Variants in EZH2 observed in about 807,000 individuals in gnomAD.
EZH2 encodes histone-lysine N-methyltransferase EZH2.
EZH2 carries 18 observed loss-of-function variants against 98.4 expected under a neutral mutation model. The observed-to-expected ratio is 0.18, with a 90% CI of 0.13 to 0.27. EZH2 has a LOEUF of 0.27. EZH2 is among the 10% of genes least tolerant of loss of function. The pLI is 1.00. For synonymous variants in EZH2, 338 were observed against 312.3 expected, an observed-to-expected ratio of 1.08 and a Z score of -0.87; for missense variants, 470 against 935.1, an observed-to-expected ratio of 0.50 and a Z score of 6.49.
chr7:148,834,038 CAACTA>C (rs536428844), intron 3 of EZH2, among the ~76,000 whole-genome samples: 66 of 152,156 alleles, frequency 4.3e-4, no homozygotes, highest in African/African-American at 1.5e-3. Flanking sequence ...AAAATGCTGC[CAACTA>C]AACAAAGGTA....
intron 3 of EZH2, among the ~76,000 whole-genome samples, chr7:148,834,826 A>G (rs1036428687): frequency 3.3e-4 from 50 of 152,332 alleles, no homozygotes; most frequent in African/African-American, 1.1e-3. Flanking sequence ...TTTATTGAGC[A>G]CGTACTATGT....
At chr7:148,819,069 A>C in intron 9 of EZH2, 1 of 456,628 alleles carries the variant, frequency 2.2e-6, no homozygotes, top group Non-Finnish European at 4.4e-6. Flanking sequence ...GCTTGGTTCA[A>C]AGAGGGGAAA....
intron 1 of EZH2, among the ~76,000 whole-genome samples, chr7:148,879,473 C>T (rs976230345): frequency 6.6e-6 from 1 of 151,594 alleles, no homozygotes; most frequent in East Asian, 1.9e-4. Flanking sequence ...GGTGGATCAC[C>T]TGAGGTCGGG....
Position 148,826,558 on chromosome 7 carries a change from T to G in EZH2, c.803A>C (p.Asn268Thr). ...TTGCTCTCTCTGAACAGATTTAGCA[T>G]TTGGTCCATCTATGTTGGGGGTACA... Reference protein sequence around the residue: ...PECTPNIDGPNAKSVQREQSL... With the variant: ...PECTPNIDGPTAKSVQREQSL... The change falls in exon 8 of 20, where the codon AAT becomes ACT. Residue 268 changes from asparagine (N) to threonine (T), a missense_variant. Transcript: ENST00000320356. 1.9e-6 allele frequency: 3 copies of G among 1,593,810 alleles called. No homozygotes were observed. The highest frequency in any genetic ancestry group is 2.6e-6 in the Non-Finnish European group (3 of 1,167,650).
intron 4 of EZH2, among the ~76,000 whole-genome samples, chr7:148,831,479 G>A (rs762907586): frequency 1.3e-4 from 20 of 152,186 alleles, no homozygotes; most frequent in Non-Finnish European, 2.5e-4. Context: ...AAGATTGTGT[G>A]CCTAATCTGC....
rs556001220 is a variant in EZH2, at chr7:148,863,914, C to T, written c.-7-16609G>A. On this transcript the variant is annotated intron_variant, in intron 1 of 19. Transcript: ENST00000320356. ...ACAACAGGTTTTAGTGCCTTCACTA[C>T]AGTGGATTACATGTACATGAAAGTA... Among the ~76,000 whole-genome samples the T allele has an allele frequency of 4.6e-5, 7 of 152,322 alleles. No individual in the cohort carries two copies. The South Asian group carries it at 1.4e-3, about 32-fold the overall frequency.
chr7:148,882,571 C>T (rs563746279), intron 1 of EZH2, among the ~76,000 whole-genome samples: 1 of 152,184 alleles, frequency 6.6e-6, no homozygotes, highest in Non-Finnish European at 1.5e-5. Flanking sequence ...TAGGATTACA[C>T]ACTTGTACAG....
At chr7:148,843,255 G>C (rs1174493603) in intron 3 of EZH2, among the ~76,000 whole-genome samples, 4 of 151,252 alleles carry the variant, frequency 2.6e-5, no homozygotes, top group African/African-American at 4.9e-5. Context: ...GCGTGTGACT[G>C]TAGTCCTAGC....
intron 3 of EZH2, among the ~76,000 whole-genome samples, chr7:148,843,603 T>G (rs1403134347): frequency 8.2e-6 from 1 of 121,662 alleles, no homozygotes; most frequent in Non-Finnish European, 1.7e-5. Flanking sequence ...TTTTTTTTTT[T>G]TTTTTTTTTT....
At chr7:148,867,295 C>T (rs1818691947) in intron 1 of EZH2, among the ~76,000 whole-genome samples, 1 of 151,956 alleles carries the variant, frequency 6.6e-6, no homozygotes, top group Non-Finnish European at 1.5e-5. Context: ...CATTGTAGTC[C>T]AGCCTGGGCA....
At chr7:148,808,052 G>A (rs1232958848) in intron 19 of EZH2, among the ~76,000 whole-genome samples, 3 of 152,166 alleles carry the variant, frequency 2.0e-5, no homozygotes, top group East Asian at 1.9e-4. Flanking sequence ...CCTGACGCTG[G>A]GAAGGCAAAA....
At chr7:148,807,893 G>T (rs375285161) in intron 19 of EZH2, among the ~76,000 whole-genome samples, 187 bp from the exon 20 acceptor site, 164 of 151,406 alleles carry the variant, frequency 1.1e-3, no homozygotes, top group Middle Eastern at 0.011. Flanking sequence ...GCAATGCATA[G>T]GTCTGTGTTG....
At chr7:148,866,615 T>C (rs1011983848) in intron 1 of EZH2, among the ~76,000 whole-genome samples, 2 of 147,024 alleles carry the variant, frequency 1.4e-5, no homozygotes, top group Admixed American at 6.9e-5. Context: ...ATATATAATA[T>C]ATATGCATAT....
Position 148,844,237 on chromosome 7 carries a change from C to T in EZH2, c.246+2233G>A, listed in dbSNP as rs117851348. Reference sequence around the variant, plus strand: ...TAATATGTAGATGGAAATGCTTAAACGAAAGAAAAAATAAACAGGGATATA... The same window carrying T: ...TAATATGTAGATGGAAATGCTTAAATGAAAGAAAAAATAAACAGGGATATA... On this transcript the variant is annotated intron_variant, in intron 3 of 19. Coordinates refer to ENST00000320356, the MANE Select transcript of EZH2 (RefSeq NM_004456.5). 1.3e-3 allele frequency among the ~76,000 whole-genome samples: 199 copies of T among 152,124 alleles called. 1 individual carries two copies. The highest frequency in any genetic ancestry group is 3.3e-3 in the Admixed American group (51 of 15,290).
rs549621600 is a variant in EZH2 at position 148,828,621 on chromosome 7, T to G, written c.625+119A>C. The G allele has an allele frequency of 1.0e-4, 130 of 1,260,504 alleles. No individual in the cohort carries two copies. In the African/African-American group the frequency reaches 1.7e-3, roughly 17 times the overall value. The allele number at this position is 1,260,504 out of a possible 1,614,324, so 78.1% of individuals were successfully genotyped here. On this transcript the variant is annotated intron_variant, in intron 6 of 19. Coordinates refer to ENST00000320356, the MANE Select transcript of EZH2 (RefSeq NM_004456.5). ...TTAATTTTGATTATACTGCTATCAA[T>G]GTGATATTTAACAAAGAAAGAAAAA...
At chr7:148,880,775 C>T (rs752014434) in intron 1 of EZH2, among the ~76,000 whole-genome samples, 2 of 152,162 alleles carry the variant, frequency 1.3e-5, no homozygotes, top group African/African-American at 2.4e-5. Context: ...TTAATTCATT[C>T]AACTATATTT....
At chr7:148,822,277 A>T (rs925104470) in intron 8 of EZH2, among the ~76,000 whole-genome samples, 4 of 151,758 alleles carry the variant, frequency 2.6e-5, no homozygotes, top group Admixed American at 6.5e-5. Context: ...TCAGAGGCTG[A>T]GGCGGGCAGA....
intron 1 of EZH2, among the ~76,000 whole-genome samples, chr7:148,883,825 G>A (rs1160065161): frequency 1.3e-5 from 2 of 151,798 alleles, no homozygotes; most frequent in African/African-American, 4.8e-5. Flanking sequence ...CCTGGACCGG[G>A]CACCGGAACG....
At chr7:148,830,696 T>A (rs895525662) in intron 4 of EZH2, among the ~76,000 whole-genome samples, 5 of 152,106 alleles carry the variant, frequency 3.3e-5, no homozygotes, top group African/African-American at 1.2e-4. Flanking sequence ...ATAGATGAGT[T>A]TTTATCAAGC....
Sources: gnomAD v4.1 joint callset for allele counts (sites outside exome capture counted in the v4.1 genomes callset) on GRCh38, gnomAD v4.1.1 for gene constraint, MANE v1.5 for transcripts, NCBI Gene and HGNC (gene_info 2026-07-23, HGNC 2026-07-21) for gene names.